C15orf39: variants seen among roughly 807,000 people sequenced by gnomAD.
C15orf39 encodes the protein uncharacterized protein C15orf39.
A neutral mutation model predicts 53.9 loss-of-function variants in C15orf39; 24 were observed. The ratio of observed to expected loss-of-function variants is 0.45; its 90% CI spans 0.32 to 0.63. The LOEUF (loss-of-function observed/expected upper bound fraction) is 0.63. Among genes scored for constraint, C15orf39 ranks in the 20% least tolerant of loss-of-function variants. The pLI, the probability that C15orf39 is intolerant of heterozygous loss-of-function variation, is 0.04. For synonymous variants in C15orf39, 569 were observed against 576.5 expected (o/e 0.99, Z 0.19); for missense variants, 1,271 against 1,347.9 (o/e 0.94, Z 0.89).
At position 75,207,735 on chromosome 15, in the gene C15orf39, C is replaced by T; in HGVS notation, c.1687C>T (p.Pro563Ser). Residue 563 changes from proline to serine, a missense_variant, in exon 2 of 3, where the codon CCC (proline) becomes TCC (serine). By Grantham distance (74) the Pro-to-Ser change is moderately conservative. This residue lies in a region of C15orf39 where 994 missense variants were observed against 993.7 expected (regional missense o/e 1.00). Coordinates refer to ENST00000394987, the MANE Select transcript of C15orf39 (RefSeq NM_015492.5). Reference protein sequence around the residue: ...PAQEGPSGSKPLRGSLKEEVA... With the variant: ...PAQEGPSGSKSLRGSLKEEVA... ...CCAGGAGGGCCCCTCAGGGAGTAAA[C>T]CCCTAAGGGGCTCACTTAAGGAGGA... 5 of 1,606,468 alleles carry T rather than the reference C, an allele frequency of 3.1e-6. No individual in the cohort carries two copies. The highest frequency in any genetic ancestry group is 1.1e-5 in the South Asian group (1 of 90,172).
In C15orf39 at chr15:75,206,762, C is replaced by G. The variant is rs772462766; in HGVS notation, c.714C>G (p.Ser238=). 1.9e-6 allele frequency: 3 copies of G among 1,612,672 alleles called. No individual in the cohort carries two copies. The highest frequency in any genetic ancestry group is 1.7e-5 in the Admixed American group (1 of 59,924). Residue 238 remains serine, a synonymous_variant, in exon 2 of 3, where the codon TCC becomes TCG. Transcript: ENST00000394987. ...ACACAGGTCCTTACCCTAGGAACTC[C>G]AAGCAAGCAATGTCTGAGGGGCCCT... The part of the protein sequence containing the change: ...SRYTGPYPRN[S]KQAMSEGPSS...
Position 75,211,410 on chromosome 15 carries a change from G to A in C15orf39, c.*294G>A, listed in dbSNP as rs965655625. On this transcript the variant is annotated 3_prime_UTR_variant, in exon 3 of 3. Coordinates refer to ENST00000394987, the MANE Select transcript of C15orf39 (RefSeq NM_015492.5). ...CTCGTGTTCTTGCTGCAGGACCTGGGCAAGAAACTTCACCTCTGCTGAGCC... is the reference window on the plus strand; with the variant it reads ...CTCGTGTTCTTGCTGCAGGACCTGGACAAGAAACTTCACCTCTGCTGAGCC... The A allele has an allele frequency of 1.1e-5, 4 of 363,226 alleles. No homozygotes were observed. The allele number at this position is 363,226 out of a possible 1,614,324, so 22.5% of individuals were successfully genotyped here.
chr15:75,201,579 T>A (rs1032401520), upstream of C15orf39, among the ~76,000 whole-genome samples: 8 of 152,206 alleles, frequency 5.3e-5, no homozygotes, highest in African/African-American at 1.9e-4. This position sits in a 1 kb window ranked among gnomAD's most constrained non-coding sequence, Gnocchi z 4.7. Context: ...ATAAGGAAAC[T>A]GAAGCTCAGC....
At chr15:75,204,043 C>T (rs2070421867) in intron 1 of C15orf39, among the ~76,000 whole-genome samples, 1 of 152,222 alleles carries the variant, frequency 6.6e-6, no homozygotes, top group Non-Finnish European at 1.5e-5. Context: ...GGCCCCCACA[C>T]TAGCCTTGTG....
At position 75,208,498 on chromosome 15, in the gene C15orf39, A is replaced by T; in HGVS notation, c.2450A>T (p.Lys817Met). 1 of 1,593,534 alleles carries T rather than the reference A, an allele frequency of 6.3e-7. No homozygotes were observed. The highest frequency in any genetic ancestry group is 1.1e-5 in the South Asian group (1 of 88,846). Residue 817 changes from lysine (K) to methionine (M), a missense_variant, in exon 2 of 3, where the codon AAG (lysine) becomes ATG (methionine). This residue lies in a region of C15orf39 where 277 missense variants were observed against 354.1 expected (regional missense o/e 0.78). Transcript: ENST00000394987. ...DCQGVQGLLA[K>M]LLSQLQRFDR... is the part of the protein sequence containing the mutation. ...CAGGGTGTGCAGGGGCTGCTGGCCAAGCTGCTGTCTCAGCTGCAGCGCTTC... is the reference window on the plus strand; with the variant it reads ...CAGGGTGTGCAGGGGCTGCTGGCCATGCTGCTGTCTCAGCTGCAGCGCTTC...
In C15orf39 at chr15:75,210,681, C is replaced by T. The variant is rs74551663; in HGVS notation, c.2777-68C>T. 3.6e-5 allele frequency: 55 copies of T among 1,526,118 alleles called. 1 individual carries two copies. Among genetic ancestry groups the T allele is most frequent in the East Asian group, 2.9e-4 (13 of 44,110 alleles). The allele number at this position is 1,526,118 out of a possible 1,614,324, so 94.5% of individuals were successfully genotyped here. On this transcript the variant is annotated intron_variant, in intron 2 of 2. Coordinates refer to ENST00000394987, the MANE Select transcript of C15orf39 (RefSeq NM_015492.5). Reference sequence around the variant, plus strand: ...CAGAGCAGAAGCACTGTTTGGATGGCTTTGGAAGCCAGGAGGTGGGACCTG... The same window carrying T: ...CAGAGCAGAAGCACTGTTTGGATGGTTTTGGAAGCCAGGAGGTGGGACCTG...
At position 75,210,944 on chromosome 15, in the gene C15orf39, CT is replaced by C; in HGVS notation, c.2973del (p.Ala992LeufsTer11). ...GEESCGASPTPATSASPPGPT... is the reference protein window; with the variant it reads ...GEESCGASPTXATSASPPGPT... The stretch of plus-strand genomic sequence containing the variant: ...GAGTCCTGTGGTGCCTCCCCTACCC[CT>C]GCTACCAGTGCCAGCCCACCTGGCC... On this transcript the variant is annotated frameshift_variant, in exon 3 of 3. Coordinates refer to ENST00000394987, the MANE Select transcript of C15orf39 (RefSeq NM_015492.5). LOFTEE classifies it high-confidence loss of function. 6.2e-7 allele frequency: 1 copy of C among 1,613,448 alleles called. No homozygotes were observed. Among genetic ancestry groups the C allele is most frequent in the South Asian group, 1.1e-5 (1 of 91,084 alleles).
At position 75,206,850 on chromosome 15, in the gene C15orf39, CA is replaced by C; in HGVS notation, c.803del (p.His268ProfsTer58). The C allele has an allele frequency of 6.4e-7, 1 of 1,561,218 alleles. No homozygotes were observed. ...ACCCTGTCAGGACACCGGGCCCACC[CA>C]CTACCCACCACCCCACCACCCACCA... The part of the protein sequence containing the change: ...GPPCQDTGPT[H>X]YPPPHHPPPH... On this transcript the variant is annotated frameshift_variant, in exon 2 of 3. Transcript: ENST00000394987. LOFTEE classifies it high-confidence loss of function.
chr15:75,202,885 G>C (rs1265669290), intron 1 of C15orf39, among the ~76,000 whole-genome samples: 1 of 152,268 alleles, frequency 6.6e-6, no homozygotes, highest in African/African-American at 2.4e-5. Context: ...AAGCCCGCCA[G>C]GTCGGGTGCG....
chr15:75,200,761 G>A (rs1400040165), upstream of C15orf39, among the ~76,000 whole-genome samples: 1 of 151,976 alleles, frequency 6.6e-6, no homozygotes, highest in Non-Finnish European at 1.5e-5. Context: ...CTCCCTATAT[G>A]GTTCCCGACT....
rs1024387817 is a variant in C15orf39, at chr15:75,206,382, C to G, written c.334C>G (p.Leu112Val). Residue 112 changes from leucine (L) to valine (V), a missense_variant, in exon 2 of 3, where the codon CTC becomes GTC. By Grantham distance (32) the Leu-to-Val change is conservative. This residue lies in a region of C15orf39 where 994 missense variants were observed against 993.7 expected (regional missense o/e 1.00). Coordinates refer to ENST00000394987, the MANE Select transcript of C15orf39 (RefSeq NM_015492.5). The stretch of plus-strand genomic sequence containing the variant: ...GATGCAGGACTCCAGCCCTGTTGAG[C>G]TCCTGCCCTTCAGTCCCCAGGCTCA... ...EKMQDSSPVELLPFSPQAHSY... is the reference protein window; with the variant it reads ...EKMQDSSPVEVLPFSPQAHSY... 2 of 1,613,928 alleles carry G rather than the reference C, an allele frequency of 1.2e-6. No homozygotes were observed. The highest frequency in any genetic ancestry group is 2.7e-5 in the African/African-American group (2 of 74,932).
intron 1 of C15orf39, among the ~76,000 whole-genome samples, chr15:75,203,635 A>C (rs1042651795): frequency 3.3e-5 from 5 of 152,124 alleles, no homozygotes; most frequent in Non-Finnish European, 1.5e-5. Context: ...GGTCCCAGAT[A>C]GGGGCCTCAA....
chr15:75,208,510 A>G lies in C15orf39; in HGVS notation c.2462A>G (p.Gln821Arg), dbSNP rs1285902196. The change falls in exon 2 of 3, where the codon CAG becomes CGG. Residue 821 changes from glutamine (Q) to arginine (R), a missense_variant. Transcript: ENST00000394987. ...GGGCTGCTGGCCAAGCTGCTGTCTC[A>G]GCTGCAGCGCTTCGATCGCACCCAC... ...VQGLLAKLLS[Q>R]LQRFDRTHRC... is the part of the protein sequence containing the mutation. The G allele has an allele frequency of 1.3e-6, 2 of 1,588,670 alleles. No homozygotes were observed. The highest frequency in any genetic ancestry group is 1.7e-6 in the Non-Finnish European group (2 of 1,170,334).
At chr15:75,210,006 C>T (rs1367019653) in intron 2 of C15orf39, among the ~76,000 whole-genome samples, 1 of 152,170 alleles carries the variant, frequency 6.6e-6, no homozygotes, top group African/African-American at 2.4e-5. Context: ...GGCTGGGCTG[C>T]CCAGCTCAGT....
At position 75,202,023 on chromosome 15, in the gene C15orf39, C is replaced by G. The variant is rs2070405854; in HGVS notation, c.-87C>G. ...TGGAGGATGCGGACGCGGAGGCCGCCTGGGGTAGCGGCGGCGGGAGTCCTG... is the reference window on the plus strand; with the variant it reads ...TGGAGGATGCGGACGCGGAGGCCGCGTGGGGTAGCGGCGGCGGGAGTCCTG... On this transcript the variant is annotated 5_prime_UTR_variant, in exon 1 of 3. Transcript: ENST00000394987. The G allele has an allele frequency of 6.6e-6, 1 of 152,126 alleles. No homozygotes were observed. The highest frequency in any genetic ancestry group is 1.5e-5 in the Non-Finnish European group (1 of 68,046). The allele number at this position is 152,126 out of a possible 1,614,324, so 9.4% of individuals were successfully genotyped here. A position where few individuals can be genotyped will look rare whatever the true frequency, so the allele number is the denominator to read the frequency against.
intron 2 of C15orf39, chr15:75,209,146 G>C (rs556501590): frequency 2.9e-6 from 1 of 347,756 alleles, no homozygotes; most frequent in Non-Finnish European, 5.3e-6. Flanking sequence ...CAGTGTTTCC[G>C]GCACTCTGGT....
Position 75,207,072 on chromosome 15 carries a change from G to A in C15orf39, c.1024G>A (p.Ala342Thr), listed in dbSNP as rs746334151. 49 of 1,611,236 alleles carry A rather than the reference G, an allele frequency of 3.0e-5. No homozygotes were observed. Among genetic ancestry groups the A allele is most frequent in the East Asian group, 4.5e-5 (2 of 44,878 alleles). The stretch of plus-strand genomic sequence containing the variant: ...TTACATTCCCCCACTGGGGCTGGAC[G>A]CTTACCCCTACCCCTCTGCCCCTCT... ...APYIPPLGLD[A>T]YPYPSAPLPA... The change falls in exon 2 of 3, where the codon GCT becomes ACT. Residue 342 changes from alanine (A) to threonine (T), a missense_variant. Transcript: ENST00000394987.
At chr15:75,200,641 C>T (rs181069638), upstream of C15orf39, among the ~76,000 whole-genome samples, 2 of 152,224 alleles carry the variant, frequency 1.3e-5, no homozygotes, top group East Asian at 1.9e-4. Flanking sequence ...ATTTTCCTGA[C>T]GCTAAGGTGT....
rs955805953 is a variant in C15orf39, at chr15:75,201,926, T to A, written c.-184T>A. Reference sequence around the variant, plus strand: ...CGCGAACGGCAGCTAGGAGGGTTGCTCCGGGCTTGGTGCTCACTGCGACTT... The same window carrying A: ...CGCGAACGGCAGCTAGGAGGGTTGCACCGGGCTTGGTGCTCACTGCGACTT... On this transcript the variant is annotated 5_prime_UTR_variant, in exon 1 of 3. Transcript: ENST00000394987. This position sits in a 1 kb window ranked among gnomAD's most constrained non-coding sequence, Gnocchi z 4.7. 1.7e-4 allele frequency: 26 copies of A among 151,946 alleles called. No individual in the cohort carries two copies. The highest frequency in any genetic ancestry group is 4.8e-4 in the African/African-American group (20 of 41,506). The allele number at this position is 151,946 out of a possible 1,614,324, so 9.4% of individuals were successfully genotyped here. A position where few individuals can be genotyped will look rare whatever the true frequency, so the allele number is the denominator to read the frequency against.
Sources: gnomAD v4.1 joint callset for allele counts (sites outside exome capture counted in the v4.1 genomes callset) on GRCh38, gnomAD v4.1.1 for gene constraint, gnomAD v4.1.1 regional missense constraint, Gnocchi (gnomAD v3.1) non-coding constraint, MANE v1.5 for transcripts, NCBI Gene and HGNC (gene_info 2026-07-23, HGNC 2026-07-21) for gene names.